ANKRD30B: variants seen among roughly 807,000 people sequenced by gnomAD.
ANKRD30B encodes the protein ankyrin repeat domain-containing protein 30B.
Under a neutral mutation model 202.2 loss-of-function variants are expected in ANKRD30B, and 144 were observed. That is an observed-to-expected ratio of 0.71 (90% CI 0.62 to 0.82). The LOEUF (loss-of-function observed/expected upper bound fraction) is 0.82. Ranked by LOEUF, ANKRD30B falls within the 40% of genes least tolerant of loss-of-function variation. The pLI, the probability that ANKRD30B is intolerant of heterozygous loss-of-function variation, is 0.00. For synonymous variants in ANKRD30B, 508 were observed against 561.3 expected (o/e 0.91, Z 1.34); for missense variants, 1,487 against 1,669.1 (o/e 0.89, Z 1.90).
the ANKRD30B span, among the ~76,000 whole-genome samples, chr18:14,923,110 C>T: frequency 6.6e-6 from 1 of 152,170 alleles, no homozygotes; most frequent in Non-Finnish European, 1.5e-5. Flanking sequence ...AGCAGCAATA[C>T]CCAGGTAGTA....
At chr18:14,883,369 G>GTC in the ANKRD30B span, among the ~76,000 whole-genome samples, 457 of 84,568 alleles carry the variant, frequency 5.4e-3, 3 homozygotes, top group African/African-American at 0.024. Context: ...CTGTCTGTCT[G>GTC]TCTCTCTCTC....
chr18:14,780,467 A>C (rs1216694093), intron 11 of ANKRD30B, among the ~76,000 whole-genome samples: 1 of 152,140 alleles, frequency 6.6e-6, no homozygotes, highest in Non-Finnish European at 1.5e-5. Context: ...ACTTAAAAAA[A>C]ATCTATGTGG....
chr18:14,873,013 C>T, the ANKRD30B span, among the ~76,000 whole-genome samples: 3 of 151,906 alleles, frequency 2.0e-5, no homozygotes, highest in Non-Finnish European at 4.4e-5. Flanking sequence ...GAGAGTGAAA[C>T]CACCAGAATA....
intron 26 of ANKRD30B, among the ~76,000 whole-genome samples, chr18:14,809,571 G>GT (rs560801805): frequency 8.3e-4 from 125 of 150,870 alleles, no homozygotes; most frequent in African/African-American, 2.8e-3. Flanking sequence ...CTCCACAAGG[G>GT]TAGCATTCCA....
rs541618923 is a variant in ANKRD30B, at chr18:14,753,465, T to C, written c.510+453T>C. Among the ~76,000 whole-genome samples the C allele has an allele frequency of 2.0e-5, 3 of 152,272 alleles. No individual in the cohort carries two copies. In the East Asian group the frequency reaches 5.8e-4, roughly 29 times the overall value. On this transcript the variant is annotated intron_variant, in intron 3 of 43. Coordinates refer to ENST00000690538, the MANE Select transcript of ANKRD30B (RefSeq NM_001367607.2). ...GTTCTAGCTTTACACAAAGCATGTT[T>C]CCAGTTTGCCACTGTGCCCACCTAG...
At chr18:14,834,234 T>C (rs1275353245) in intron 34 of ANKRD30B, among the ~76,000 whole-genome samples, 1 of 151,158 alleles carries the variant, frequency 6.6e-6, no homozygotes, top group Non-Finnish European at 1.5e-5. Context: ...AAATATAACA[T>C]GTAATTTTAA....
intron 10 of ANKRD30B, among the ~76,000 whole-genome samples, chr18:14,779,046 A>G (rs1427435866): frequency 6.6e-6 from 1 of 152,218 alleles, no homozygotes; most frequent in East Asian, 1.9e-4. Flanking sequence ...AAGACTACAG[A>G]CGTAGACATT....
intron 1 of ANKRD30B, among the ~76,000 whole-genome samples, chr18:14,751,020 G>T (rs1313308441): frequency 2.6e-5 from 4 of 151,902 alleles, no homozygotes; most frequent in African/African-American, 9.7e-5. Context: ...TATGTATTTT[G>T]CACAGATGAA....
chr18:14,755,708 C>G (rs1914233385), intron 4 of ANKRD30B, among the ~76,000 whole-genome samples: 1 of 152,158 alleles, frequency 6.6e-6, no homozygotes, highest in Non-Finnish European at 1.5e-5. Flanking sequence ...CCAGCTTCAT[C>G]CATGTTCCTA....
At chr18:14,784,269 C>G (rs1370271288) in intron 12 of ANKRD30B, 67 bp from the exon 13 acceptor site, 2 of 1,473,776 alleles carry the variant, frequency 1.4e-6, no homozygotes, top group African/African-American at 2.8e-5. Flanking sequence ...GATACTATCA[C>G]TGCATTCACT....
chr18:14,937,093 T>C, the ANKRD30B span, among the ~76,000 whole-genome samples: 1 of 152,118 alleles, frequency 6.6e-6, no homozygotes. Flanking sequence ...AACATACTGG[T>C]CATGAGCCTC....
chr18:14,836,568 A>G (rs1452697003), intron 34 of ANKRD30B, among the ~76,000 whole-genome samples: 1 of 152,162 alleles, frequency 6.6e-6, no homozygotes, highest in East Asian at 1.9e-4. Context: ...TCTTTACATC[A>G]CTGGAAAAGT....
At chr18:14,836,013 A>C (rs1294525434) in intron 34 of ANKRD30B, among the ~76,000 whole-genome samples, 10 of 152,002 alleles carry the variant, frequency 6.6e-5, no homozygotes, top group African/African-American at 2.4e-4. Flanking sequence ...GGAAATATAT[A>C]ACTGAGAAAC....
rs557738775 is a variant in ANKRD30B, at chr18:14,782,516, A to G, written c.1483-11A>G. 22 of 1,529,876 alleles carry G rather than the reference A, an allele frequency of 1.4e-5. No homozygotes were observed. The East Asian group carries it at 1.9e-4, about 13-fold the overall frequency. 94.8% of individuals were successfully genotyped at this position (1,529,876 alleles called of 1,614,324 possible). On this transcript the variant is annotated splice_polypyrimidine_tract_variant and intron_variant, in intron 11 of 43. Coordinates refer to ENST00000690538, the MANE Select transcript of ANKRD30B (RefSeq NM_001367607.2). ...AAAATTGAAATTATCTATTGATACT[A>G]CTTTTAACAGAGTCTCTTTGAGAGT...
the ANKRD30B span, among the ~76,000 whole-genome samples, chr18:14,915,048 A>G: frequency 6.6e-6 from 1 of 152,214 alleles, no homozygotes; most frequent in Non-Finnish European, 1.5e-5. Flanking sequence ...GAATGAGCCT[A>G]CGAAGTAAAT....
intron 36 of ANKRD30B, among the ~76,000 whole-genome samples, chr18:14,838,183 T>C (rs1236067432): frequency 1.3e-5 from 2 of 152,234 alleles, no homozygotes; most frequent in Non-Finnish European, 2.9e-5. Context: ...TTAGAAGGCA[T>C]TAGGAATCTA....
At chr18:14,792,129 C>A (rs1402122514) in intron 16 of ANKRD30B, among the ~76,000 whole-genome samples, 1 of 152,130 alleles carries the variant, frequency 6.6e-6, no homozygotes, top group Non-Finnish European at 1.5e-5. Flanking sequence ...CTTTAGAAAA[C>A]CGTCTGAAAA....
the ANKRD30B span, among the ~76,000 whole-genome samples, chr18:14,928,249 C>G: frequency 5.9e-5 from 9 of 152,210 alleles, no homozygotes; most frequent in Middle Eastern, 3.4e-3. Context: ...ATTACAGGCG[C>G]GAGTCACCAC....
At chr18:14,940,297 A>G in the ANKRD30B span, among the ~76,000 whole-genome samples, 4 of 152,318 alleles carry the variant, frequency 2.6e-5, no homozygotes, top group East Asian at 7.7e-4. Context: ...TTCTGGATGC[A>G]GCATCTCTCC....
Sources: allele counts gnomAD v4.1 joint callset (sites outside exome capture counted in the v4.1 genomes callset), GRCh38; gene constraint gnomAD v4.1.1; transcripts MANE v1.5; gene names NCBI Gene and HGNC (gene_info 2026-07-23, HGNC 2026-07-21).